Variants in SLIT3 observed in about 807,000 individuals in gnomAD.
SLIT3 encodes slit homolog 3 protein.
SLIT3 carries 68 observed loss-of-function variants against 184.0 expected under a neutral mutation model. That is an observed-to-expected ratio of 0.37 (90% CI 0.30 to 0.45). The LOEUF is 0.45. Among genes scored for constraint, SLIT3 ranks in the 20% least tolerant of loss-of-function variants. The pLI, the probability that SLIT3 is intolerant of heterozygous loss-of-function variation, is 1.00. For missense variants in SLIT3, 1,707 were observed against 2,026.0 expected, an observed-to-expected ratio of 0.84 and a Z score of 3.02; for synonymous variants, 831 against 828.6, an observed-to-expected ratio of 1.00 and a Z score of -0.05.
chr5:169,168,646 T>G (rs1253749332), intron 4 of SLIT3, among the ~76,000 whole-genome samples: 8 of 152,172 alleles, frequency 5.3e-5, no homozygotes, highest in Admixed American at 6.5e-5. Flanking sequence ...TCTGGGAAAT[T>G]AAGCAGTTGG....
chr5:169,150,518 C>T (rs1181104435), intron 4 of SLIT3, among the ~76,000 whole-genome samples: 8 of 145,710 alleles, frequency 5.5e-5, no homozygotes, highest in Non-Finnish European at 1.1e-4. Flanking sequence ...CACTCACATA[C>T]ACACACACAC....
intron 4 of SLIT3, among the ~76,000 whole-genome samples, chr5:169,135,509 T>C (rs7735356): frequency 0.061 from 9,325 of 152,162 alleles, 994 homozygotes; most frequent in African/African-American, 0.21. Flanking sequence ...AAACATGAAA[T>C]AGCACAGAAA....
intron 12 of SLIT3, among the ~76,000 whole-genome samples, chr5:168,775,329 G>A (rs969527409): frequency 3.3e-5 from 5 of 152,072 alleles, no homozygotes; most frequent in Non-Finnish European, 7.4e-5. Context: ...GAGCCACCAC[G>A]CCCGGCCTAC....
intron 12 of SLIT3, among the ~76,000 whole-genome samples, chr5:168,784,868 G>GACACACACACACAC (rs34317589): frequency 6.7e-6 from 1 of 149,744 alleles, no homozygotes; most frequent in Non-Finnish European, 1.5e-5. Flanking sequence ...ATTTTAAAAA[G>GACACACACACACAC]ACACACACAC....
chr5:168,988,984 C>T (rs1256705072), intron 4 of SLIT3, among the ~76,000 whole-genome samples: 1 of 152,248 alleles, frequency 6.6e-6, no homozygotes. Context: ...CTAAAGCAAA[C>T]TCCTGCTCTC....
chr5:168,856,359 T>G (rs1487698559), intron 5 of SLIT3, among the ~76,000 whole-genome samples: 1 of 152,092 alleles, frequency 6.6e-6, no homozygotes, highest in Non-Finnish European at 1.5e-5. Flanking sequence ...GGACCAGATC[T>G]TACACGATGA....
intron 3 of SLIT3, among the ~76,000 whole-genome samples, chr5:169,217,150 A>AAC (rs569686299): frequency 0.14 from 21,214 of 149,448 alleles, 1,807 homozygotes; most frequent in East Asian, 0.44. Flanking sequence ...AAAAAAAAAA[A>AAC]AACTTAGACT....
intron 4 of SLIT3, chr5:169,024,916 CAA>C (rs1028439135): frequency 3.9e-5 from 6 of 152,212 alleles, no homozygotes; most frequent in African/African-American, 1.4e-4. Context: ...CTGCCGCTCC[CAA>C]AGTCTCCAGA....
At chr5:169,117,565 G>A (rs944471852) in intron 4 of SLIT3, among the ~76,000 whole-genome samples, 2 of 152,192 alleles carry the variant, frequency 1.3e-5, no homozygotes, top group Non-Finnish European at 2.9e-5. Flanking sequence ...GAGCCAAGCT[G>A]CTGCCAATCC....
At chr5:169,158,442 T>C in intron 4 of SLIT3, among the ~76,000 whole-genome samples, 1 of 151,848 alleles carries the variant, frequency 6.6e-6, no homozygotes, top group East Asian at 1.9e-4. Flanking sequence ...TAAGAAAATT[T>C]GTCACTAGCA....
intron 4 of SLIT3, among the ~76,000 whole-genome samples, chr5:168,956,454 A>G (rs181100860): frequency 6.6e-6 from 1 of 152,320 alleles, no homozygotes; most frequent in Admixed American, 6.5e-5. Context: ...AAAAAATCAA[A>G]TTACCTTTTA....
At chr5:169,109,801 G>A (rs754526993) in intron 4 of SLIT3, among the ~76,000 whole-genome samples, 9 of 152,012 alleles carry the variant, frequency 5.9e-5, no homozygotes, top group African/African-American at 9.7e-5. Context: ...TTTCCATATT[G>A]ACTTCACTCA....
At chr5:168,749,224 A>G (rs2113460696) in intron 19 of SLIT3, among the ~76,000 whole-genome samples, 1 of 152,336 alleles carries the variant, frequency 6.6e-6, no homozygotes, top group Non-Finnish European at 1.5e-5. Context: ...TGTCTTAATG[A>G]AATCAATATA....
chr5:169,107,393 C>T (rs1760251947), intron 4 of SLIT3, among the ~76,000 whole-genome samples: 1 of 152,146 alleles, frequency 6.6e-6, no homozygotes, highest in African/African-American at 2.4e-5. Flanking sequence ...TGCATAGCTC[C>T]CTGGAGCTAA....
intron 20 of SLIT3, among the ~76,000 whole-genome samples, chr5:168,725,674 T>G (rs185497746): frequency 1.3e-5 from 2 of 152,362 alleles, no homozygotes; most frequent in Admixed American, 6.5e-5. Context: ...CCACAGATTC[T>G]GACCCTAGGT....
chr5:168,669,081 A>G (rs963199557), intron 35 of SLIT3, among the ~76,000 whole-genome samples: 1 of 152,146 alleles, frequency 6.6e-6, no homozygotes, highest in Admixed American at 6.5e-5. Context: ...CCTCCCAACA[A>G]CCCTATAAAG....
chr5:169,031,096 T>C (rs1331033578), intron 4 of SLIT3, among the ~76,000 whole-genome samples: 1 of 152,170 alleles, frequency 6.6e-6, no homozygotes, highest in African/African-American at 2.4e-5. Flanking sequence ...GTCGTACTAG[T>C]CAGGTGTAAG....
chr5:168,884,048 C>T (rs988544321), intron 4 of SLIT3, among the ~76,000 whole-genome samples: 2 of 151,832 alleles, frequency 1.3e-5, no homozygotes, highest in African/African-American at 2.4e-5. Flanking sequence ...AACCTATGTC[C>T]CCAGACTGTA....
chr5:169,171,774 C>A (rs1762828651), intron 4 of SLIT3, among the ~76,000 whole-genome samples: 1 of 152,210 alleles, frequency 6.6e-6, no homozygotes, highest in Non-Finnish European at 1.5e-5. Context: ...GAAAAATTCA[C>A]TCTATCCCTA....
Sources: allele counts gnomAD v4.1 joint callset (sites outside exome capture counted in the v4.1 genomes callset), GRCh38; gene constraint gnomAD v4.1.1; transcripts MANE v1.5; gene names NCBI Gene and HGNC (gene_info 2026-07-23, HGNC 2026-07-21).